GGTA1: variants seen among roughly 807,000 people sequenced by gnomAD.
The protein encoded by GGTA1 is inactive N-acetyllactosaminide alpha-1,3-galactosyltransferase.
In GGTA1, 5 loss-of-function variants were observed where a neutral mutation model predicts 2.6. That is an observed-to-expected ratio of 1.92 (90% CI 1.00 to 4.04). The LOEUF (loss-of-function observed/expected upper bound fraction) is 4.04, where lower values mean the gene tolerates loss of function less well. Ranked by LOEUF, GGTA1 falls within the 30% of genes most tolerant of loss-of-function variation. GGTA1 has a pLI of 0.00. For missense variants in GGTA1, 50 were observed against 16.7 expected, an observed-to-expected ratio of 2.99 and a Z score of -3.47; for synonymous variants, 17 against 5.0, an observed-to-expected ratio of 3.38 and a Z score of -3.19.
intron 1 of GGTA1, among the ~76,000 whole-genome samples, chr9:121,468,849 A>C (rs937246802): frequency 2.6e-5 from 4 of 152,142 alleles, no homozygotes; most frequent in Admixed American, 6.5e-5. Flanking sequence ...GTAGCTGTAC[A>C]TGGTTCCCAG....
intron 1 of GGTA1, among the ~76,000 whole-genome samples, chr9:121,483,095 G>C (rs1280358973): frequency 6.6e-6 from 1 of 152,186 alleles, no homozygotes; most frequent in Non-Finnish European, 1.5e-5. Flanking sequence ...GTGATCCCCG[G>C]TCTCATGTGC....
chr9:121,477,889 C>A (rs1427660920), intron 1 of GGTA1, among the ~76,000 whole-genome samples: 5 of 152,050 alleles, frequency 3.3e-5, no homozygotes, highest in Non-Finnish European at 7.4e-5. Flanking sequence ...CATTCTTCTT[C>A]TTAAAGAGGG....
At chr9:121,480,774 T>C (rs989316932) in intron 1 of GGTA1, among the ~76,000 whole-genome samples, 1 of 152,210 alleles carries the variant, frequency 6.6e-6, no homozygotes, top group Admixed American at 6.5e-5. Flanking sequence ...GCCAAACAGA[T>C]GCCCACCTGC....
intron 1 of GGTA1, among the ~76,000 whole-genome samples, chr9:121,482,206 A>G (rs1242338462): frequency 1.3e-5 from 2 of 150,734 alleles, no homozygotes; most frequent in Admixed American, 6.6e-5. Context: ...AGTGGCTCAC[A>G]CCTGTAATCC....
Position 121,461,252 on chromosome 9 carries a change from C to G in GGTA1, c.182G>C (p.Gly61Ala), listed in dbSNP as rs1371759766. ...ACCGACTGCTGTCTGATCGCCTTAC[C>G]CATTGTTAAACCAGCTCAGAAACCA... The part of the protein sequence containing the change: ...GWWFLSWFNN[G>A]IHNYQQGEED... The change falls in exon 4 of 6, where the codon GGG becomes GCG. Residue 61 changes from glycine to alanine, a missense_variant and splice_region_variant. Coordinates refer to ENST00000481799, the MANE Select transcript of GGTA1 (RefSeq NM_001382585.1). The G allele has an allele frequency of 2.2e-6, 1 of 456,426 alleles. No individual in the cohort carries two copies. Among genetic ancestry groups the G allele is most frequent in the Admixed American group, 2.4e-5 (1 of 42,524 alleles). The allele number at this position is 456,426 out of a possible 1,614,324, so 28.3% of individuals were successfully genotyped here. A position where few individuals can be genotyped will look rare whatever the true frequency, so the allele number is the denominator to read the frequency against.
chr9:121,476,631 T>C lies in GGTA1; in HGVS notation c.-9-8700A>G, dbSNP rs944470100. On this transcript the variant is annotated intron_variant, in intron 1 of 5. Transcript: ENST00000481799. The surrounding 1 kb of genome is among the most constrained non-coding windows in gnomAD (Gnocchi z 4.6). ...GCCCCTTGGTGTGATGATCAAATGA[T>C]AGGATTCATCAACTATCACTTCTCA... Among the ~76,000 whole-genome samples the C allele has an allele frequency of 4.6e-5, 7 of 152,178 alleles. No individual in the cohort carries two copies. Among genetic ancestry groups the C allele is most frequent in the Admixed American group, 6.5e-5 (1 of 15,280 alleles).
chr9:121,496,764 A>AGG, intron 1 of GGTA1, among the ~76,000 whole-genome samples: 1 of 141,488 alleles, frequency 7.1e-6, no homozygotes, highest in Non-Finnish European at 1.5e-5. Context: ...AAAAAGAGAG[A>AGG]GAGAATCGCT....
rs2064906629 is a variant in GGTA1, at chr9:121,455,786, T to C, written c.*51A>G. 4.0e-5 allele frequency: 18 copies of C among 453,542 alleles called. No individual in the cohort carries two copies. The highest frequency in any genetic ancestry group is 4.8e-4 in the Middle Eastern group (1 of 2,066). 28.1% of individuals were successfully genotyped at this position (453,542 alleles called of 1,614,324 possible). ...GCATGATCTCTCAGTCCAGGTCTTCTAGAAGGACTGAGTCAGAAAACCAGA... is the reference window on the plus strand; with the variant it reads ...GCATGATCTCTCAGTCCAGGTCTTCCAGAAGGACTGAGTCAGAAAACCAGA... On this transcript the variant is annotated 3_prime_UTR_variant, in exon 6 of 6. Coordinates refer to ENST00000481799, the MANE Select transcript of GGTA1 (RefSeq NM_001382585.1).
At chr9:121,496,757 A>AAAAAAAAAAAAAAAAGAGAG (rs1554838784) in intron 1 of GGTA1, among the ~76,000 whole-genome samples, 2 of 111,918 alleles carry the variant, frequency 1.8e-5, no homozygotes, top group Non-Finnish European at 4.1e-5. Context: ...AAAAAAAAAA[A>AAAAAAAAAAAAAAAAGAGAG]AGAGAGAGAG....
At chr9:121,497,078 A>G (rs1339778941) in intron 1 of GGTA1, among the ~76,000 whole-genome samples, 1 of 152,054 alleles carries the variant, frequency 6.6e-6, no homozygotes, top group Non-Finnish European at 1.5e-5. Flanking sequence ...CTGTAATCCT[A>G]GCTACTTGGG....
rs149035749 is a variant in GGTA1, at chr9:121,466,986, A to T, written c.80+857T>A. 1.6e-3 allele frequency among the ~76,000 whole-genome samples: 250 copies of T among 151,834 alleles called. 1 individual carries two copies. The highest frequency in any genetic ancestry group is 5.8e-3 in the African/African-American group (239 of 41,428). Reference sequence around the variant, plus strand: ...AAAAAAAAAAAGAATCAAAAGAGATATTCGAATGTTAATCCAGGCTACCAT... The same window carrying T: ...AAAAAAAAAAAGAATCAAAAGAGATTTTCGAATGTTAATCCAGGCTACCAT... On this transcript the variant is annotated intron_variant, in intron 2 of 5. Transcript: ENST00000481799.
intron 2 of GGTA1, among the ~76,000 whole-genome samples, chr9:121,464,074 AAC>A (rs1294353060): frequency 6.6e-6 from 1 of 152,136 alleles, no homozygotes; most frequent in Non-Finnish European, 1.5e-5. Flanking sequence ...TCTCCTCAAC[AAC>A]CCTTCTCCTT....
chr9:121,478,761 T>A (rs903120884), intron 1 of GGTA1, among the ~76,000 whole-genome samples: 3 of 152,168 alleles, frequency 2.0e-5, no homozygotes, highest in African/African-American at 7.2e-5. Flanking sequence ...CTGAAGTATA[T>A]CTTACAGTGC....
intron 1 of GGTA1, among the ~76,000 whole-genome samples, chr9:121,495,407 C>T (rs536112030): frequency 7.2e-4 from 110 of 152,134 alleles, no homozygotes; most frequent in Admixed American, 1.7e-3. Flanking sequence ...ACTAGCTGGG[C>T]GTGGTGGTGG....
chr9:121,493,748 CTTTTTTTTTTTT>C (rs35465171), intron 1 of GGTA1, among the ~76,000 whole-genome samples: 46 of 36,624 alleles, frequency 1.3e-3, no homozygotes, highest in East Asian at 0.013. Flanking sequence ...GACTCACTCT[CTTTTTTTTTTTT>C]TTTTTTTTTT....
intron 2 of GGTA1, 116 bp downstream of exon 2, chr9:121,467,727 A>C: frequency 2.7e-6 from 1 of 366,598 alleles, no homozygotes; most frequent in South Asian, 2.1e-5. Context: ...GGAATCCCTT[A>C]TTTATGGTTT....
intron 1 of GGTA1, among the ~76,000 whole-genome samples, chr9:121,469,793 T>G (rs1406042697): frequency 1.3e-5 from 2 of 152,132 alleles, no homozygotes; most frequent in Non-Finnish European, 2.9e-5. Context: ...GAGCTGTAGA[T>G]CTTCACCTGC....
rs56016550 is a variant in GGTA1 at position 121,481,996 on chromosome 9, C to CA, written c.-9-14066dup. The stretch of plus-strand genomic sequence containing the variant: ...GGGCAACAAAAGCGGAACTCTGTCT[C>CA]AAAAAAAAAAAAAAGAATAAAAAGT... On this transcript the variant is annotated intron_variant, in intron 1 of 5. Transcript: ENST00000481799. 9.3e-3 allele frequency among the ~76,000 whole-genome samples: 1,196 copies of CA among 129,030 alleles called. 13 individuals carry two copies. Among genetic ancestry groups the CA allele is most frequent in the African/African-American group, 0.029 (1,028 of 34,888 alleles). The allele number at this position is 129,030 out of a possible 152,430, so 84.6% of individuals were successfully genotyped here.
At chr9:121,449,654 A>T (rs1184773740) in intron 7 of GGTA1, among the ~76,000 whole-genome samples, 1 of 152,132 alleles carries the variant, frequency 6.6e-6, no homozygotes, top group Non-Finnish European at 1.5e-5. Context: ...AGCCTGGCCA[A>T]TATGATGAAA....
Sources: allele counts gnomAD v4.1 joint callset (sites outside exome capture counted in the v4.1 genomes callset), GRCh38; gene constraint gnomAD v4.1.1; non-coding constraint Gnocchi (gnomAD v3.1); transcripts MANE v1.5; gene names NCBI Gene and HGNC (gene_info 2026-07-23, HGNC 2026-07-21).